Variants in POU2F1 observed in about 807,000 individuals in gnomAD.
The protein encoded by POU2F1 is POU domain, class 2, transcription factor 1.
Under a neutral mutation model 84.9 loss-of-function variants are expected in POU2F1, and 16 were observed. The observed-to-expected ratio is 0.19, with a 90% CI of 0.13 to 0.29. The LOEUF is 0.29. POU2F1 is among the 10% of genes least tolerant of loss of function. POU2F1 has a pLI of 1.00. For missense variants in POU2F1, 738 were observed against 942.6 expected, an observed-to-expected ratio of 0.78 and a Z score of 2.84; for synonymous variants, 368 against 368.3, an observed-to-expected ratio of 1.00 and a Z score of 0.01.
At chr1:167,262,908 G>A (rs568022596) in intron 1 of POU2F1, among the ~76,000 whole-genome samples, 1 of 152,278 alleles carries the variant, frequency 6.6e-6, no homozygotes, top group East Asian at 1.9e-4. Context: ...GGAGAGAAAA[G>A]TACATAAATT....
intron 1 of POU2F1, among the ~76,000 whole-genome samples, chr1:167,282,562 T>C (rs1005045854): frequency 1.3e-5 from 2 of 152,168 alleles, no homozygotes; most frequent in Non-Finnish European, 2.9e-5. Flanking sequence ...ATGTGGTCCT[T>C]GTCTATCTTT....
intron 2 of POU2F1, among the ~76,000 whole-genome samples, chr1:167,342,257 ATAGT>A (rs1200145193): frequency 3.3e-5 from 5 of 152,306 alleles, no homozygotes; most frequent in African/African-American, 9.6e-5. Context: ...TTTCCCCAGG[ATAGT>A]ATCACTATAT....
At chr1:167,251,823 T>C (rs1650751095) in intron 1 of POU2F1, among the ~76,000 whole-genome samples, 2 of 151,836 alleles carry the variant, frequency 1.3e-5, no homozygotes, top group South Asian at 4.2e-4. Context: ...TTCAGCTCAC[T>C]GTATTTTTTG....
At chr1:167,299,189 T>C (rs1179621372) in intron 1 of POU2F1, among the ~76,000 whole-genome samples, 1 of 148,348 alleles carries the variant, frequency 6.7e-6, no homozygotes, top group Non-Finnish European at 1.5e-5. Flanking sequence ...AAAAAAGAAT[T>C]ATGGAAAGAA....
intron 7 of POU2F1, among the ~76,000 whole-genome samples, chr1:167,376,815 G>A (rs34769146): frequency 2.0e-5 from 3 of 151,962 alleles, no homozygotes; most frequent in African/African-American, 7.2e-5. Flanking sequence ...AAAATCTTTT[G>A]TCATGAAATA....
intron 7 of POU2F1, chr1:167,379,005 T>A (rs1571403841): frequency 2.6e-5 from 4 of 151,814 alleles, no homozygotes; most frequent in Admixed American, 2.6e-4. Flanking sequence ...CTCACTGCAG[T>A]CCCAGCCTCT....
intron 1 of POU2F1, among the ~76,000 whole-genome samples, chr1:167,268,545 A>G (rs1652144416): frequency 6.6e-6 from 1 of 152,122 alleles, no homozygotes; most frequent in Admixed American, 6.5e-5. Context: ...TTTTTTGACC[A>G]AAAGTGCACC....
chr1:167,322,892 T>A (rs1412032164), intron 1 of POU2F1, among the ~76,000 whole-genome samples: 5 of 152,244 alleles, frequency 3.3e-5, no homozygotes, highest in Admixed American at 6.5e-5. Context: ...TGTTTGTGGT[T>A]CAGGAACACC....
intron 1 of POU2F1, among the ~76,000 whole-genome samples, chr1:167,313,673 C>T (rs1165367393): frequency 1.3e-5 from 2 of 152,134 alleles, no homozygotes; most frequent in African/African-American, 4.8e-5. Context: ...CTTCAGGATG[C>T]AGGATTTGAT....
chr1:167,236,350 C>G (rs1193770902), intron 1 of POU2F1, among the ~76,000 whole-genome samples: 3 of 152,152 alleles, frequency 2.0e-5, no homozygotes, highest in Non-Finnish European at 4.4e-5. Flanking sequence ...ATCCACCTGC[C>G]TTGGCCTCCC....
chr1:167,293,368 C>G (rs1294065652), intron 1 of POU2F1, among the ~76,000 whole-genome samples: 1 of 152,132 alleles, frequency 6.6e-6, no homozygotes, highest in Admixed American at 6.5e-5. Flanking sequence ...AACCCAATCC[C>G]CTTTACAACA....
intron 1 of POU2F1, among the ~76,000 whole-genome samples, chr1:167,223,601 C>G (rs1363931968): frequency 6.6e-6 from 1 of 151,958 alleles, no homozygotes; most frequent in Admixed American, 6.6e-5. Flanking sequence ...TTTTGTGGGA[C>G]TTTGGTCTTC....
chr1:167,272,398 A>G (rs1163966454), intron 1 of POU2F1, among the ~76,000 whole-genome samples: 2 of 151,896 alleles, frequency 1.3e-5, no homozygotes, highest in African/African-American at 2.4e-5. Context: ...TTCAAAAAAA[A>G]AAAAAAACCA....
chr1:167,343,546 C>T (rs1449550003), intron 2 of POU2F1, among the ~76,000 whole-genome samples: 3 of 151,022 alleles, frequency 2.0e-5, no homozygotes, highest in Admixed American at 2.0e-4. Flanking sequence ...TTGCTTGAAG[C>T]CAAAAACTAG....
At chr1:167,303,353 C>T (rs1654846832) in intron 1 of POU2F1, 1 of 154,010 alleles carries the variant, frequency 6.5e-6, no homozygotes, top group Non-Finnish European at 1.5e-5. Flanking sequence ...GGCAGCTAAT[C>T]TAAATGTGTC....
intron 1 of POU2F1, chr1:167,257,820 G>C (rs1198498041): frequency 2.0e-5 from 3 of 151,200 alleles, no homozygotes; most frequent in Non-Finnish European, 2.9e-5. Context: ...TGTCTCCCAG[G>C]CTGGAGTGCA....
intron 8 of POU2F1, chr1:167,387,120 G>A: frequency 2.2e-6 from 1 of 455,658 alleles, no homozygotes; most frequent in Admixed American, 2.4e-5. Context: ...GCATATGGTG[G>A]CAGGGCCGTT....
intron 7 of POU2F1, chr1:167,379,742 A>G (rs762811381): frequency 6.6e-6 from 1 of 152,194 alleles, no homozygotes; most frequent in Admixed American, 6.5e-5. Context: ...TTAAGATAGA[A>G]TGAGATTGCC....
At chr1:167,237,936 C>G (rs1037299398) in intron 1 of POU2F1, among the ~76,000 whole-genome samples, 2 of 151,316 alleles carry the variant, frequency 1.3e-5, no homozygotes, top group African/African-American at 4.9e-5. Flanking sequence ...CGTGCCACCG[C>G]ACCCGGCTAA....
Sources: gnomAD v4.1 joint callset for allele counts (sites outside exome capture counted in the v4.1 genomes callset) on GRCh38, gnomAD v4.1.1 for gene constraint, MANE v1.5 for transcripts, NCBI Gene and HGNC (gene_info 2026-07-23, HGNC 2026-07-21) for gene names.